TAF3: variants seen among roughly 807,000 people sequenced by gnomAD.
TAF3 encodes the protein transcription initiation factor TFIID subunit 3.
In TAF3, 7 loss-of-function variants were observed where a neutral mutation model predicts 80.6. The observed-to-expected ratio is 0.09, with a 90% CI of 0.05 to 0.16. TAF3 has a LOEUF of 0.16. Among genes scored for constraint, TAF3 ranks in the 10% least tolerant of loss-of-function variants. TAF3 has a pLI of 1.00. For synonymous variants in TAF3, 444 were observed against 446.1 expected, an observed-to-expected ratio of 1.00 and a Z score of 0.06; for missense variants, 921 against 1,140.2, an observed-to-expected ratio of 0.81 and a Z score of 2.77.
chr10:7,849,655 A>G (rs1837006918), intron 2 of TAF3, among the ~76,000 whole-genome samples: 1 of 150,576 alleles, frequency 6.6e-6, no homozygotes, highest in Admixed American at 6.6e-5. Context: ...TATAACAACT[A>G]TTGGGGGGGT....
chr10:7,948,832 A>G (rs560361866), intron 2 of TAF3, among the ~76,000 whole-genome samples: 2 of 152,276 alleles, frequency 1.3e-5, no homozygotes, highest in East Asian at 1.9e-4. Flanking sequence ...TTTCTTTCGA[A>G]TCTTGCTTCC....
At chr10:7,842,422 AGTGCTGGGATTACAGGTGTGTG>A (rs1836928400) in intron 2 of TAF3, among the ~76,000 whole-genome samples, 1 of 152,064 alleles carries the variant, frequency 6.6e-6, no homozygotes, top group South Asian at 2.1e-4. Context: ...GGCCTCCCAA[AGTGCTGGGATTACAGGTGTGTG>A]CCACCACACC....
intron 2 of TAF3, among the ~76,000 whole-genome samples, chr10:7,914,938 T>C (rs1325933185): frequency 6.2e-5 from 2 of 32,242 alleles, no homozygotes; most frequent in Admixed American, 6.7e-4. Context: ...CAGCCTTTTT[T>C]TTTTTTTTTT....
intron 3 of TAF3, among the ~76,000 whole-genome samples, chr10:7,973,903 G>T (rs1048751067): frequency 2.0e-5 from 3 of 152,144 alleles, no homozygotes; most frequent in Non-Finnish European, 4.4e-5. Flanking sequence ...GCTGAGGCAG[G>T]CAGATCACGA....
chr10:7,867,392 T>C (rs1352277165), intron 2 of TAF3, among the ~76,000 whole-genome samples: 1 of 152,252 alleles, frequency 6.6e-6, no homozygotes. Context: ...AGAATTTTAA[T>C]GCTGATGCTG....
Position 7,949,219 on chromosome 10 carries a change from G to A in TAF3, c.410-14701G>A, listed in dbSNP as rs554317949. Among the ~76,000 whole-genome samples, 3 of 151,468 alleles carry A rather than the reference G, an allele frequency of 2.0e-5. No homozygotes were observed. The South Asian group carries it at 6.2e-4, about 31-fold the overall frequency. On this transcript the variant is annotated intron_variant, in intron 2 of 6. Transcript: ENST00000344293. ...AGGAAGGGGCTGGTTCTGTAAATCA[G>A]AGTCCACTTGCCCTTTGCTGTTTCC...
At chr10:7,846,888 A>T (rs1836977998) in intron 2 of TAF3, among the ~76,000 whole-genome samples, 1 of 152,234 alleles carries the variant, frequency 6.6e-6, no homozygotes, top group South Asian at 2.1e-4. Context: ...TACAATAGTG[A>T]AATAGATTGT....
At chr10:7,960,551 AT>A (rs1838179893) in intron 2 of TAF3, among the ~76,000 whole-genome samples, 1 of 152,168 alleles carries the variant, frequency 6.6e-6, no homozygotes, top group Non-Finnish European at 1.5e-5. Flanking sequence ...AGGAAAAGAC[AT>A]TTCAGGCACG....
chr10:8,005,964 A>C (rs1316842804), intron 4 of TAF3, among the ~76,000 whole-genome samples: 1 of 152,174 alleles, frequency 6.6e-6, no homozygotes, highest in Non-Finnish European at 1.5e-5. Context: ...TATGCAAGAT[A>C]CGTAATCTCT....
intron 3 of TAF3, among the ~76,000 whole-genome samples, chr10:7,973,870 C>G (rs1392973076): frequency 6.6e-6 from 1 of 152,172 alleles, no homozygotes; most frequent in African/African-American, 2.4e-5. Flanking sequence ...TGGCTCACGC[C>G]TGTTATCCCA....
At chr10:7,988,720 G>A (rs1831803489) in intron 4 of TAF3, among the ~76,000 whole-genome samples, 2 of 132,466 alleles carry the variant, frequency 1.5e-5, no homozygotes, top group Non-Finnish European at 3.1e-5. Flanking sequence ...CTGCACTCCA[G>A]CCTGGACAAT....
At chr10:7,890,375 A>G (rs1341391201) in intron 2 of TAF3, among the ~76,000 whole-genome samples, 5 of 152,220 alleles carry the variant, frequency 3.3e-5, no homozygotes, top group African/African-American at 4.8e-5. Context: ...CCCACTGGGT[A>G]GTGAGCAGCT....
At chr10:7,958,169 C>T (rs1044675589) in intron 2 of TAF3, among the ~76,000 whole-genome samples, 7 of 152,032 alleles carry the variant, frequency 4.6e-5, no homozygotes, top group Non-Finnish European at 1.0e-4. Context: ...AGTTCAATAG[C>T]CATTACACAT....
chr10:7,924,126 T>A (rs1475812686), intron 2 of TAF3, among the ~76,000 whole-genome samples: 5 of 152,182 alleles, frequency 3.3e-5, no homozygotes, highest in African/African-American at 1.2e-4. Flanking sequence ...CACGATTACG[T>A]TTGAATACAT....
chr10:7,976,891 T>C (rs1831678915), intron 3 of TAF3, among the ~76,000 whole-genome samples: 1 of 152,198 alleles, frequency 6.6e-6, no homozygotes, highest in Non-Finnish European at 1.5e-5. Context: ...ATCGCAGTTT[T>C]TTCTATTTAT....
At chr10:7,959,195 A>G (rs1195189368) in intron 2 of TAF3, among the ~76,000 whole-genome samples, 2 of 152,092 alleles carry the variant, frequency 1.3e-5, no homozygotes, top group African/African-American at 4.8e-5. Context: ...TTTCTGACGA[A>G]GTCCTTTGTT....
rs34163537 is a variant in TAF3, at chr10:7,845,959, G to GTTTTTTT, written c.409+21411_409+21417dup. 8.4e-5 allele frequency among the ~76,000 whole-genome samples: 11 copies of GTTTTTTT among 130,934 alleles called. 1 individual carries two copies. The highest frequency in any genetic ancestry group is 2.2e-4 in the East Asian group (1 of 4,532). 85.9% of individuals were successfully genotyped at this position (130,934 alleles called of 152,430 possible). A position where few individuals can be genotyped will look rare whatever the true frequency, so the allele number is the denominator to read the frequency against. Reference sequence around the variant, plus strand: ...AGGATGAAGTGGTTTGTGTGTTTTTGTTTTTTTTTTTTTTTTTTGAGGCAA... The same window carrying GTTTTTTT: ...AGGATGAAGTGGTTTGTGTGTTTTTGTTTTTTTTTTTTTTTTTTTTTTTTTGAGGCAA... On this transcript the variant is annotated intron_variant, in intron 2 of 6. Transcript: ENST00000344293.
intron 3 of TAF3, among the ~76,000 whole-genome samples, chr10:7,968,538 A>G (rs1831593945): frequency 6.6e-6 from 1 of 152,366 alleles, no homozygotes; most frequent in South Asian, 2.1e-4. Context: ...AGAAATAATG[A>G]TAAGAACACT....
intron 2 of TAF3, among the ~76,000 whole-genome samples, chr10:7,913,966 G>C (rs571791218): frequency 6.6e-6 from 1 of 152,082 alleles, no homozygotes; most frequent in African/African-American, 2.4e-5. Context: ...CAAATCAGTG[G>C]CATGAAAAAA....
Sources: gnomAD v4.1 joint callset for allele counts (sites outside exome capture counted in the v4.1 genomes callset) on GRCh38, gnomAD v4.1.1 for gene constraint, MANE v1.5 for transcripts, NCBI Gene and HGNC (gene_info 2026-07-23, HGNC 2026-07-21) for gene names.